ACOT7: variants seen among roughly 807,000 people sequenced by gnomAD.
ACOT7 encodes cytosolic acyl coenzyme A thioester hydrolase.
Under a neutral mutation model 40.2 loss-of-function variants are expected in ACOT7, and 12 were observed. That is an observed-to-expected ratio of 0.30 (90% CI 0.19 to 0.48). ACOT7 has a LOEUF of 0.48. Among genes scored for constraint, ACOT7 ranks in the 20% least tolerant of loss-of-function variants. The pLI is 0.99. For synonymous variants in ACOT7, 228 were observed against 219.5 expected, an observed-to-expected ratio of 1.04 and a Z score of -0.34; for missense variants, 395 against 530.8, an observed-to-expected ratio of 0.74 and a Z score of 2.51.
intron 4 of ACOT7, among the ~76,000 whole-genome samples, chr1:6,327,619 T>A (rs1259296103): frequency 6.6e-6 from 1 of 152,216 alleles, no homozygotes; most frequent in Admixed American, 6.5e-5. Flanking sequence ...CTGGGTCAAG[T>A]GTTTGGTTTA....
At chr1:6,376,116 G>C (rs994240906) in intron 1 of ACOT7, among the ~76,000 whole-genome samples, 1 of 152,046 alleles carries the variant, frequency 6.6e-6, no homozygotes, top group Admixed American at 6.6e-5. Flanking sequence ...TTAGCCATGC[G>C]TGGTGGCAGG....
At position 6,338,107 on chromosome 1, in the gene ACOT7, G is replaced by A. The variant is rs1413320939; in HGVS notation, c.418+1326C>T. Among the ~76,000 whole-genome samples the A allele has an allele frequency of 6.6e-6, 1 of 151,704 alleles. No individual in the cohort carries two copies. Among genetic ancestry groups the A allele is most frequent in the Non-Finnish European group, 1.5e-5 (1 of 67,984 alleles). On this transcript the variant is annotated intron_variant, in intron 3 of 8. Coordinates refer to ENST00000361521, the MANE Select transcript of ACOT7 (RefSeq NM_007274.4). The surrounding 1 kb of genome is among the most constrained non-coding windows in gnomAD (Gnocchi z 4.4). ...GCTTTCATGGCAGAAAATCTGCAAA[G>A]CAGATCCCTTCCTGGCATTTTTGAA...
In ACOT7 at chr1:6,289,355, C is replaced by T. The variant is rs1324649500; in HGVS notation, c.829+5509G>A. ...CCTCAGGTGATCAGACTGCCTCGGC[C>T]TCCCAAAGTGCTGGGATTACAGGAG... is the stretch of plus-strand genomic sequence containing the variant. On this transcript the variant is annotated intron_variant, in intron 7 of 8. Coordinates refer to ENST00000361521, the MANE Select transcript of ACOT7 (RefSeq NM_007274.4). The surrounding 1 kb of genome is among the most constrained non-coding windows in gnomAD (Gnocchi z 4.6). 6.6e-6 allele frequency among the ~76,000 whole-genome samples: 1 copy of T among 152,052 alleles called. No homozygotes were observed. Among genetic ancestry groups the T allele is most frequent in the Non-Finnish European group, 1.5e-5 (1 of 68,020 alleles).
In ACOT7 at chr1:6,285,633, G is replaced by A. The variant is rs183942902; in HGVS notation, c.830-4347C>T. On this transcript the variant is annotated intron_variant, in intron 7 of 8. Transcript: ENST00000361521. ...CCCTCCACCAAATGTGGAGGCGGGTGAGGCTGGTCATGCATCAGAGAGCTG... is the reference window on the plus strand; with the variant it reads ...CCCTCCACCAAATGTGGAGGCGGGTAAGGCTGGTCATGCATCAGAGAGCTG... Among the ~76,000 whole-genome samples the A allele has an allele frequency of 2.7e-4, 41 of 152,378 alleles. No homozygotes were observed. The East Asian group carries it at 7.5e-3, about 28-fold the overall frequency.
chr1:6,370,687 T>A (rs1286275632), intron 1 of ACOT7, among the ~76,000 whole-genome samples: 1 of 151,774 alleles, frequency 6.6e-6, no homozygotes, highest in Non-Finnish European at 1.5e-5. Flanking sequence ...GAGATGGGGT[T>A]TCACCATGTT....
At chr1:6,339,346 C>G in intron 3 of ACOT7, 87 bp downstream of exon 3, 6 of 1,588,824 alleles carry the variant, frequency 3.8e-6, no homozygotes, top group Non-Finnish European at 5.1e-6. Flanking sequence ...GGGCCAGGCC[C>G]TGGAGCGTCC....
At chr1:6,317,820 C>T (rs1006741608) in intron 6 of ACOT7, among the ~76,000 whole-genome samples, 2 of 151,718 alleles carry the variant, frequency 1.3e-5, no homozygotes, top group African/African-American at 4.9e-5. Flanking sequence ...CAACCTCCGC[C>T]TCCCAGGTTC....
At chr1:6,360,856 AC>A in intron 1 of ACOT7, 1 of 1,066,882 alleles carries the variant, frequency 9.4e-7, no homozygotes, top group Non-Finnish European at 1.3e-6. Context: ...GTGAGGACCT[AC>A]CAGGCTTCCA....
chr1:6,315,579 G>A (rs1335409290), intron 6 of ACOT7, among the ~76,000 whole-genome samples: 2 of 151,824 alleles, frequency 1.3e-5, no homozygotes, highest in Admixed American at 1.3e-4. Context: ...CTGAAAACCC[G>A]TCTCTACTAA....
chr1:6,291,666 C>G (rs750611326), intron 7 of ACOT7, among the ~76,000 whole-genome samples: 84 of 152,206 alleles, frequency 5.5e-4, no homozygotes, highest in Non-Finnish European at 9.0e-4. Context: ...TGTGTGCCCC[C>G]ACCCGGCAGG....
At chr1:6,273,230 GAA>G (rs1236833949) in intron 8 of ACOT7, among the ~76,000 whole-genome samples, 1 of 152,230 alleles carries the variant, frequency 6.6e-6, no homozygotes, top group East Asian at 1.9e-4. Flanking sequence ...GGTGGCTGGA[GAA>G]AGAGTCTGGG....
At chr1:6,328,431 C>T (rs1322098000) in intron 4 of ACOT7, among the ~76,000 whole-genome samples, 1 of 152,070 alleles carries the variant, frequency 6.6e-6, no homozygotes, top group East Asian at 1.9e-4. Flanking sequence ...GAGGCTGAGG[C>T]GGGTGGATCA....
rs184909254 is a variant in ACOT7, at chr1:6,338,102, G to A, written c.418+1331C>T. On this transcript the variant is annotated intron_variant, in intron 3 of 8. Transcript: ENST00000361521. The surrounding 1 kb of genome is among the most constrained non-coding windows in gnomAD (Gnocchi z 4.4). ...AGGGGGCTTTCATGGCAGAAAATCT[G>A]CAAAGCAGATCCCTTCCTGGCATTT... Among the ~76,000 whole-genome samples, 17 of 151,828 alleles carry A rather than the reference G, an allele frequency of 1.1e-4. No homozygotes were observed. The highest frequency in any genetic ancestry group is 1.0e-3 in the Admixed American group (16 of 15,260).
chr1:6,294,812 C>A lies in ACOT7; in HGVS notation c.829+52G>T. On this transcript the variant is annotated intron_variant, in intron 7 of 8. Coordinates refer to ENST00000361521, the MANE Select transcript of ACOT7 (RefSeq NM_007274.4). This position sits in a 1 kb window ranked among gnomAD's most constrained non-coding sequence, Gnocchi z 4.6. ...ACAGAAAACAAACTGGTGCAGGGAC[C>A]CAAGCAGCCGAGGGCCACTGCCTCC... 1.3e-6 allele frequency: 2 copies of A among 1,490,852 alleles called. No individual in the cohort carries two copies. The highest frequency in any genetic ancestry group is 1.9e-6 in the Non-Finnish European group (2 of 1,071,612). 92.4% of individuals were successfully genotyped at this position (1,490,852 alleles called of 1,614,324 possible).
At chr1:6,333,612 G>A (rs762777828) in intron 3 of ACOT7, 44 bp from the exon 4 acceptor site, 2 of 1,601,696 alleles carry the variant, frequency 1.2e-6, no homozygotes. Flanking sequence ...GGGAGACGGG[G>A]TGGGAATGTG....
Position 6,383,328 on chromosome 1 carries a change from C to T in ACOT7, c.143+9929G>A, listed in dbSNP as rs549453739. Among the ~76,000 whole-genome samples, 18 of 150,606 alleles carry T rather than the reference C, an allele frequency of 1.2e-4. No individual in the cohort carries two copies. In the East Asian group the frequency reaches 2.2e-3, roughly 18 times the overall value. On this transcript the variant is annotated intron_variant, in intron 1 of 8. Transcript: ENST00000361521. The stretch of plus-strand genomic sequence containing the variant: ...TCAGCCTCCCAAGTAGCTGAGACTA[C>T]AGGCGCCCACCATGACGCCTGGCTA...
chr1:6,325,127 A>G (rs3789488), intron 5 of ACOT7, among the ~76,000 whole-genome samples: 52,369 of 152,242 alleles, frequency 0.34, 13,534 homozygotes, highest in African/African-American at 0.74. Context: ...AGCCGGGCGC[A>G]GTGGCTCACG....
At chr1:6,362,477 C>T (rs1439655472) in intron 1 of ACOT7, among the ~76,000 whole-genome samples, 1 of 151,884 alleles carries the variant, frequency 6.6e-6, no homozygotes, top group Non-Finnish European at 1.5e-5. Flanking sequence ...AGCACCTCTT[C>T]CCCCATCCCT....
chr1:6,324,307 A>C (rs1346579458), intron 5 of ACOT7, among the ~76,000 whole-genome samples: 1 of 152,230 alleles, frequency 6.6e-6, no homozygotes, highest in African/African-American at 2.4e-5. Flanking sequence ...TCTCTAATCC[A>C]ATCATCTGAG....
Sources: allele counts gnomAD v4.1 joint callset (sites outside exome capture counted in the v4.1 genomes callset), GRCh38; gene constraint gnomAD v4.1.1; non-coding constraint Gnocchi (gnomAD v3.1); transcripts MANE v1.5; gene names NCBI Gene and HGNC (gene_info 2026-07-23, HGNC 2026-07-21).